SKIL: variants seen among roughly 807,000 people sequenced by gnomAD.
The protein encoded by SKIL is ski-like protein.
In SKIL, 20 loss-of-function variants were observed where a neutral mutation model predicts 69.6. That is an observed-to-expected ratio of 0.29 (90% CI 0.20 to 0.42). SKIL has a LOEUF of 0.42. Ranked by LOEUF, SKIL falls within the 10% of genes least tolerant of loss-of-function variation. SKIL has a pLI of 1.00. For missense variants in SKIL, 745 were observed against 783.1 expected (o/e 0.95, Z 0.58); for synonymous variants, 310 against 279.9 (o/e 1.11, Z -1.08).
rs1172579535 is a variant in SKIL at position 170,359,707 on chromosome 3, AAAG to A, written c.-619_-617del. 6.6e-6 allele frequency: 1 copy of A among 152,266 alleles called. No individual in the cohort carries two copies. Among genetic ancestry groups the A allele is most frequent in the African/African-American group, 2.4e-5 (1 of 41,456 alleles). The allele number at this position is 152,266 out of a possible 1,614,324, so 9.4% of individuals were successfully genotyped here. Reference sequence around the variant, plus strand: ...CCCTTCTCTTCTTCCAGATTAATTAAAAGAAGAATGAACTATAATCCTTGAAGA... The same window carrying A: ...CCCTTCTCTTCTTCCAGATTAATTAAAAGAATGAACTATAATCCTTGAAGA... On this transcript the variant is annotated 5_prime_UTR_variant, in exon 2 of 7. The change creates a new upstream start codon in the 5' untranslated region. Transcript: ENST00000259119.
intron 4 of SKIL, among the ~76,000 whole-genome samples, chr3:170,386,414 G>A (rs1019960133): frequency 6.6e-6 from 1 of 152,200 alleles, no homozygotes; most frequent in African/African-American, 2.4e-5. Flanking sequence ...ACAGGCGTGA[G>A]CCATCGCGCC....
chr3:170,386,291 C>T (rs897471613), intron 4 of SKIL, among the ~76,000 whole-genome samples: 3 of 151,144 alleles, frequency 2.0e-5, no homozygotes, highest in African/African-American at 4.9e-5. Flanking sequence ...CCACCACGCC[C>T]GGCTAATTTT....
Position 170,360,370 on chromosome 3 carries a change from C to A in SKIL, c.39C>A (p.Gly13=), listed in dbSNP as rs1365191702. Residue 13 remains glycine (G), a synonymous_variant, in exon 2 of 7, where the codon GGC becomes GGA. Coordinates refer to ENST00000259119, the MANE Select transcript of SKIL (RefSeq NM_005414.5). ...AGACAAATTTCTCCTTGGTTCAGGG[C>A]TCAACTAAAAAACTGAATGGGATGG... The part of the protein sequence containing the change: ...NLQTNFSLVQ[G]STKKLNGMGD... 1 of 1,593,616 alleles carries A rather than the reference C, an allele frequency of 6.3e-7. No homozygotes were observed. The highest frequency in any genetic ancestry group is 8.5e-7 in the Non-Finnish European group (1 of 1,170,700).
chr3:170,385,944 C>G (rs1244868139), intron 4 of SKIL, among the ~76,000 whole-genome samples: 2 of 151,802 alleles, frequency 1.3e-5, no homozygotes, highest in Non-Finnish European at 2.9e-5. Flanking sequence ...AGGCATGCAC[C>G]ACCACACCCC....
At position 170,361,326 on chromosome 3, in the gene SKIL, A is replaced by T; in HGVS notation, c.995A>T (p.Asn332Ile). 6.2e-7 allele frequency: 1 copy of T among 1,613,796 alleles called. No homozygotes were observed. Among genetic ancestry groups the T allele is most frequent in the Non-Finnish European group, 8.5e-7 (1 of 1,179,938 alleles). ...SAKWHCYLHVNQKYLGTPEEK... is the reference protein window; with the variant it reads ...SAKWHCYLHVIQKYLGTPEEK... ...AAATGGCATTGCTATCTTCATGTGA[A>T]CCAAAAATACTTAGGAACACCTGAA... The change falls in exon 2 of 7, where the codon AAC becomes ATC. Residue 332 changes from asparagine (N) to isoleucine (I), a missense_variant. Transcript: ENST00000259119.
At chr3:170,378,438 A>G (rs1400565672) in intron 2 of SKIL, among the ~76,000 whole-genome samples, 2 of 151,898 alleles carry the variant, frequency 1.3e-5, no homozygotes, top group Admixed American at 6.6e-5. Context: ...ACATCCAGAG[A>G]TCTGTTTGCA....
rs562065548 is a variant in SKIL at position 170,381,725 on chromosome 3, G to T, written c.1196+384G>T. 1.2e-4 allele frequency among the ~76,000 whole-genome samples: 19 copies of T among 152,076 alleles called. 1 individual carries two copies. The South Asian group carries it at 3.7e-3, about 30-fold the overall frequency. On this transcript the variant is annotated intron_variant, in intron 3 of 6. Coordinates refer to ENST00000259119, the MANE Select transcript of SKIL (RefSeq NM_005414.5). ...TGGGATTACAGGTGTGAGCCACTGT[G>T]CCTGACCACGAATTTATTTCTTTAT... is the stretch of plus-strand genomic sequence containing the variant.
In SKIL at chr3:170,360,432, C is replaced by T. The variant is rs973435804; in HGVS notation, c.101C>T (p.Thr34Met). The change falls in exon 2 of 7, where the codon ACG becomes ATG. Residue 34 changes from threonine (T) to methionine (M), a missense_variant. By Grantham distance (81) the Thr-to-Met change is moderately conservative (BLOSUM62 -1). Transcript: ENST00000259119. Reference protein sequence around the residue: ...DGSPPAKKMITDIHANGKTIN... With the variant: ...DGSPPAKKMIMDIHANGKTIN... ...AGCCCCCCAGCGAAAAAAATGATAA[C>T]GGACATTCATGCAAATGGAAAAACG... is the stretch of plus-strand genomic sequence containing the variant. 11 of 1,613,552 alleles carry T rather than the reference C, an allele frequency of 6.8e-6. No homozygotes were observed. Among genetic ancestry groups the T allele is most frequent in the South Asian group, 1.1e-5 (1 of 91,044 alleles).
In SKIL at chr3:170,357,742, ACGG is replaced by A. The variant is rs542866555; in HGVS notation, c.-642_-640del. ...AGCCGAAGGGAGCGGGCGAGCGGCG[ACGG>A]CGGCGGCGGCGGGCACAGGTGCGGC... On this transcript the variant is annotated 5_prime_UTR_variant, in exon 1 of 7. Coordinates refer to ENST00000259119, the MANE Select transcript of SKIL (RefSeq NM_005414.5). The A allele has an allele frequency of 6.6e-4, 107 of 162,164 alleles. No homozygotes were observed. Among genetic ancestry groups the A allele is most frequent in the Non-Finnish European group, 1.2e-3 (95 of 78,048 alleles). 10.0% of individuals were successfully genotyped at this position (162,164 alleles called of 1,614,324 possible).
rs1025031621 is a variant in SKIL, at chr3:170,396,570, C to T, written c.*4153C>T. 7 of 152,138 alleles carry T rather than the reference C, an allele frequency of 4.6e-5. No individual in the cohort carries two copies. Among genetic ancestry groups the T allele is most frequent in the Non-Finnish European group, 8.8e-5 (6 of 68,016 alleles). 9.4% of individuals were successfully genotyped at this position (152,138 alleles called of 1,614,324 possible). On this transcript the variant is annotated 3_prime_UTR_variant, in exon 7 of 7. Transcript: ENST00000259119. ...ATGTACAGTTTTATGGTTAAAGTTG[C>T]TGTGGTTGGTTGCATTACATGACAC...
In SKIL at chr3:170,394,880, A is replaced by G. The variant is rs1738113903; in HGVS notation, c.*2463A>G. 1 of 152,202 alleles carries G rather than the reference A, an allele frequency of 6.6e-6. No individual in the cohort carries two copies. The highest frequency in any genetic ancestry group is 2.4e-5 in the African/African-American group (1 of 41,460). The allele number at this position is 152,202 out of a possible 1,614,324, so 9.4% of individuals were successfully genotyped here. A position where few individuals can be genotyped will look rare whatever the true frequency, so the allele number is the denominator to read the frequency against. The stretch of plus-strand genomic sequence containing the variant: ...GAGTTGGCTAAAATACCTTATCCAT[A>G]TAAAACTTATTCTATTCTTTGCATG... On this transcript the variant is annotated 3_prime_UTR_variant, in exon 7 of 7. Transcript: ENST00000259119.
chr3:170,371,684 G>T (rs943654794), intron 2 of SKIL, among the ~76,000 whole-genome samples: 3 of 152,176 alleles, frequency 2.0e-5, no homozygotes, highest in Admixed American at 2.0e-4. Context: ...TTGAGTGCTG[G>T]TTTTGTCATT....
chr3:170,364,076 G>C (rs939678948), intron 2 of SKIL, among the ~76,000 whole-genome samples: 4 of 152,132 alleles, frequency 2.6e-5, no homozygotes, highest in Admixed American at 2.0e-4. Flanking sequence ...TCAGTCTTCC[G>C]AGTAGCTGGG....
rs1736002709 is a variant in SKIL, at chr3:170,357,750, G to GGCGGCGGGCACAGGT, written c.-641_-634+7dup. The GGCGGCGGGCACAGGT allele has an allele frequency of 6.0e-6, 1 of 166,340 alleles. No homozygotes were observed. The highest frequency in any genetic ancestry group is 6.5e-5 in the Admixed American group (1 of 15,362). 10.3% of individuals were successfully genotyped at this position (166,340 alleles called of 1,614,324 possible). A position where few individuals can be genotyped will look rare whatever the true frequency, so the allele number is the denominator to read the frequency against. ...GGAGCGGGCGAGCGGCGACGGCGGC[G>GGCGGCGGGCACAGGT]GCGGCGGGCACAGGTGCGGCTCCGG... On this transcript the variant is annotated 5_prime_UTR_variant, in exon 1 of 7. Transcript: ENST00000259119.
chr3:170,377,795 C>G (rs1469150837), intron 2 of SKIL, among the ~76,000 whole-genome samples: 1 of 147,528 alleles, frequency 6.8e-6, no homozygotes, highest in Non-Finnish European at 1.5e-5. Context: ...ATCTCGTGAT[C>G]CACCCGCCTT....
At chr3:170,359,552 CGCTGCACTT>C (rs1159559298) in intron 1 of SKIL, 138 bp from the exon 2 acceptor site, 1 of 150,474 alleles carries the variant, frequency 6.6e-6, no homozygotes, top group South Asian at 2.1e-4. Flanking sequence ...ATGCCGAGAT[CGCTGCACTT>C]CAGCCTGGGC....
At chr3:170,383,775 G>A (rs1013340154) in intron 3 of SKIL, among the ~76,000 whole-genome samples, 3 of 152,106 alleles carry the variant, frequency 2.0e-5, no homozygotes, top group Admixed American at 1.3e-4. Context: ...CCTCCTGTGA[G>A]TCAGGACATA....
At chr3:170,374,405 A>G (rs1251009214) in intron 2 of SKIL, among the ~76,000 whole-genome samples, 1 of 152,182 alleles carries the variant, frequency 6.6e-6, no homozygotes. Flanking sequence ...TAAGGCTCTA[A>G]CTTAAGCTAC....
Position 170,396,026 on chromosome 3 carries a change from T to G in SKIL, c.*3609T>G, listed in dbSNP as rs1435902918. 3.3e-5 allele frequency: 4 copies of G among 120,294 alleles called. No homozygotes were observed. Among genetic ancestry groups the G allele is most frequent in the South Asian group, 2.7e-4 (1 of 3,656 alleles). 7.5% of individuals were successfully genotyped at this position (120,294 alleles called of 1,614,324 possible). On this transcript the variant is annotated 3_prime_UTR_variant, in exon 7 of 7. Coordinates refer to ENST00000259119, the MANE Select transcript of SKIL (RefSeq NM_005414.5). ...AAAAGGACAGTTTTTTTTTTTTTTT[T>G]GTAAATCCATTCATTGAAATGGTTT...
Sources: gnomAD v4.1 joint callset for allele counts (sites outside exome capture counted in the v4.1 genomes callset) on GRCh38, gnomAD v4.1.1 for gene constraint, MANE v1.5 for transcripts, NCBI Gene and HGNC (gene_info 2026-07-23, HGNC 2026-07-21) for gene names.